Variants in GPKOW observed in about 807,000 individuals in gnomAD.
GPKOW encodes G-patch domain and KOW motifs-containing protein.
For missense variants in GPKOW, 359 were observed against 404.7 expected, an observed-to-expected ratio of 0.89 and a Z score of 0.97; for synonymous variants, 167 against 159.1, an observed-to-expected ratio of 1.05 and a Z score of -0.37.
Position 49,115,876 on chromosome X carries a change from C to T in GPKOW, c.1140+15G>A. The T allele has an allele frequency of 1.7e-6, 2 of 1,210,000 alleles. No individual in the cohort carries two copies. The highest frequency in any genetic ancestry group is 2.2e-6 in the Non-Finnish European group (2 of 893,927). On this transcript the variant is annotated intron_variant, in intron 8 of 10. Transcript: ENST00000156109. ...CCTAGGAGAGGGAGGGGGACTCAGG[C>T]TGCAGGGTTCCCACCTTGGTGTTGT...
chrX:49,121,045 G>A (rs187590602), intron 3 of GPKOW, among the ~76,000 whole-genome samples: 36 of 111,847 alleles, frequency 3.2e-4, no homozygotes, highest in Non-Finnish European at 5.8e-4. Context: ...TGCAGGAGGA[G>A]GTTTATAGAG....
Position 49,117,648 on chromosome X carries a change from A to G in GPKOW, c.729T>C (p.Pro243=). ...CAGAAAGAACCACCACAGCTCCTCC[A>G]GGCACCAGCCCTTGAGGCTGATCTT... is the stretch of plus-strand genomic sequence containing the variant. ...DKEDQPQGLV[P]GGAVVVLSGP... is the part of the protein sequence containing the mutation. Residue 243 remains proline (P), a synonymous_variant, in exon 5 of 11, where the codon CCT becomes CCC. Transcript: ENST00000156109. The G allele has an allele frequency of 2.5e-6, 3 of 1,210,779 alleles. No individual in the cohort carries two copies. The highest frequency in any genetic ancestry group is 3.4e-6 in the Non-Finnish European group (3 of 894,559).
Position 49,116,018 on chromosome X carries a change from T to C in GPKOW, c.1017-4A>G. The C allele has an allele frequency of 1.7e-6, 2 of 1,211,493 alleles. No homozygotes were observed. Among genetic ancestry groups the C allele is most frequent in the Non-Finnish European group, 1.1e-6 (1 of 895,282 alleles). On this transcript the variant is annotated splice_polypyrimidine_tract_variant and splice_region_variant and intron_variant, in intron 7 of 10. Transcript: ENST00000156109. ...CTTGGCTGCAGGCCCATCCTGTCTG[T>C]GGAGAAGGTGCCAGCACCAGGCTTA...
At chrX:49,123,051 A>G (rs1027050700) in intron 1 of GPKOW, among the ~76,000 whole-genome samples, 1 of 110,745 alleles carries the variant, frequency 9.0e-6, no homozygotes, top group African/African-American at 3.3e-5. Flanking sequence ...ACAAATCACT[A>G]TCTTCAGCCC....
chrX:49,117,065 G>A lies in GPKOW; in HGVS notation c.878C>T (p.Ser293Phe). Residue 293 changes from serine (S) to phenylalanine (F), a missense_variant, in exon 6 of 11, where the codon TCC (serine) becomes TTC (phenylalanine). Transcript: ENST00000156109. ...GGTGTTCTTGTCAAACTCCTGCTGG[G>A]AGACAGGCCGCAGGTAGTACTCACT... is the stretch of plus-strand genomic sequence containing the variant. ...TVSEYYLRPVSQQEFDKNTLD... is the reference protein window; with the variant it reads ...TVSEYYLRPVFQQEFDKNTLD... The A allele has an allele frequency of 8.3e-7, 1 of 1,207,393 alleles. No individual in the cohort carries two copies. Among genetic ancestry groups the A allele is most frequent in the Non-Finnish European group, 1.1e-6 (1 of 891,724 alleles).
Position 49,122,674 on chromosome X carries a change from A to G in GPKOW, c.279T>C (p.Thr93=). Residue 93 remains threonine, a synonymous_variant, in exon 2 of 11, where the codon ACT becomes ACC. Transcript: ENST00000156109. The part of the protein sequence containing the change: ...PARPPGPSTD[T]GALADGVVSQ... ...ACACCACCCCATCCGCCAAGGCCCC[A>G]GTATCTGTGGATGGCCCAGGGGGCC... is the stretch of plus-strand genomic sequence containing the variant. 2.5e-6 allele frequency: 3 copies of G among 1,211,172 alleles called. No homozygotes were observed. The highest frequency in any genetic ancestry group is 3.4e-6 in the Non-Finnish European group (3 of 894,766).
chrX:49,122,895 T>C, intron 1 of GPKOW, 119 bp from the exon 2 acceptor site: 1 of 549,280 alleles, frequency 1.8e-6, no homozygotes, highest in South Asian at 3.0e-5. Context: ...ATGTCTTCCC[T>C]ACTCCATGTC....
intron 3 of GPKOW, among the ~76,000 whole-genome samples, chrX:49,121,437 AAAAC>A (rs1235207087): frequency 2.7e-5 from 3 of 111,389 alleles, no homozygotes; most frequent in African/African-American, 9.8e-5. Context: ...CAAAAAACAA[AAAAC>A]AAACAAACAA....
chrX:49,121,396 C>A (rs1817961050), intron 3 of GPKOW, among the ~76,000 whole-genome samples: 1 of 111,162 alleles, frequency 9.0e-6, no homozygotes, highest in East Asian at 2.8e-4. Context: ...CCACTTCACT[C>A]CAGCCTGGGC....
chrX:49,116,415 A>C, intron 6 of GPKOW, 92 bp from the exon 7 acceptor site: 2 of 598,431 alleles, frequency 3.3e-6, no homozygotes, highest in Middle Eastern at 3.2e-4. Context: ...CTTTCCTTCC[A>C]AGGCCATGTC....
In GPKOW at chrX:49,122,655, C is replaced by G. The variant is rs2065217771; in HGVS notation, c.298G>C (p.Val100Leu). 8.3e-7 allele frequency: 1 copy of G among 1,211,524 alleles called. No individual in the cohort carries two copies. The highest frequency in any genetic ancestry group is 1.1e-6 in the Non-Finnish European group (1 of 895,006). ...AGCTCCTTCACAGCCTGGGACACCA[C>G]CCCATCCGCCAAGGCCCCAGTATCT... ...STDTGALADG[V>L]VSQAVKELIA... Residue 100 changes from valine (V) to leucine (L), a missense_variant, in exon 2 of 11, where the codon GTG becomes CTG. By Grantham distance (32) the Val-to-Leu change is conservative. Coordinates refer to ENST00000156109, the MANE Select transcript of GPKOW (RefSeq NM_015698.6).
intron 3 of GPKOW, 47 bp downstream of exon 3, chrX:49,122,351 A>G: frequency 9.3e-7 from 1 of 1,071,957 alleles, no homozygotes; most frequent in Non-Finnish European, 1.2e-6. Flanking sequence ...CCTGGCGGAC[A>G]GGGCAAAGAA....
chrX:49,114,390 C>T (rs369752477), intron 9 of GPKOW, among the ~76,000 whole-genome samples: 14 of 107,515 alleles, frequency 1.3e-4, no homozygotes, highest in East Asian at 6.1e-4. Context: ...CCACCCTCCT[C>T]GGTCTCCCAA....
intron 6 of GPKOW, among the ~76,000 whole-genome samples, chrX:49,116,646 C>T (rs1445441630): frequency 1.8e-5 from 2 of 111,759 alleles, no homozygotes; most frequent in African/African-American, 6.5e-5. Context: ...CCTACCGAAA[C>T]GCCTTCGCCT....
rs1557089748 is a variant in GPKOW at position 49,113,930 on chromosome X, C to T, written c.1219G>A (p.Glu407Lys). ...GGAACCAGGGTCTCCAGCATGTCTT[C>T]CCTCAGGCCTATGGATAAGGGAGAG... ...DEGRVLEGLR[E>K]DMLETLVPKA... is the part of the protein sequence containing the mutation. The change falls in exon 10 of 11, where the codon GAA becomes AAA. Residue 407 changes from glutamate to lysine, a missense_variant. Transcript: ENST00000156109. 1.7e-6 allele frequency: 2 copies of T among 1,192,816 alleles called. No homozygotes were observed. The highest frequency in any genetic ancestry group is 3.0e-5 in the East Asian group (1 of 33,742).
chrX:49,118,695 C>T (rs782600043), intron 4 of GPKOW, among the ~76,000 whole-genome samples: 3 of 89,268 alleles, frequency 3.4e-5, no homozygotes, highest in African/African-American at 4.5e-5. Context: ...GCCGAGATTG[C>T]GCCACTGCAT....
intron 4 of GPKOW, among the ~76,000 whole-genome samples, chrX:49,119,323 A>G (rs2065205629): frequency 9.1e-6 from 1 of 110,374 alleles, no homozygotes; most frequent in African/African-American, 3.3e-5. Context: ...TGCCCAGGCC[A>G]GTCTCAAACT....
intron 5 of GPKOW, 87 bp downstream of exon 5, chrX:49,117,510 C>G: frequency 1.4e-6 from 1 of 709,178 alleles, no homozygotes; most frequent in South Asian, 2.4e-5. Flanking sequence ...GCCTTTCTAC[C>G]TCAAATCCAA....
At chrX:49,119,987 C>T (rs1257487158) in intron 3 of GPKOW, among the ~76,000 whole-genome samples, 173 bp from the exon 4 acceptor site, 5 of 112,238 alleles carry the variant, frequency 4.5e-5, no homozygotes, top group Non-Finnish European at 9.4e-5. Context: ...CATGTTCAGT[C>T]CTTCAACAAA....
Sources: allele counts gnomAD v4.1 joint callset (sites outside exome capture counted in the v4.1 genomes callset), GRCh38; gene constraint gnomAD v4.1.1; transcripts MANE v1.5; gene names NCBI Gene and HGNC (gene_info 2026-07-23, HGNC 2026-07-21).